The following UNC13C variants were observed in gnomAD, a reference collection of about 807,000 sequenced individuals.
The protein encoded by UNC13C is unc-13 homolog C.
UNC13C carries 174 observed loss-of-function variants against 245.4 expected under a neutral mutation model. That is an observed-to-expected ratio of 0.71 (90% confidence interval 0.63 to 0.80). The LOEUF (loss-of-function observed/expected upper bound fraction) is 0.80. UNC13C is among the 30% of genes least tolerant of loss of function. UNC13C has a pLI of 0.00. For synonymous variants in UNC13C, 992 were observed against 895.1 expected (o/e 1.11, Z -1.93); for missense variants, 2,829 against 2,602.9 (o/e 1.09, Z -1.89).
intron 26 of UNC13C, among the ~76,000 whole-genome samples, chr15:54,538,693 C>A (rs568595512): frequency 1.3e-5 from 2 of 151,930 alleles, no homozygotes; most frequent in Non-Finnish European, 2.9e-5. Flanking sequence ...ATGACCTCTG[C>A]GGCAACATGG....
chr15:54,430,195 A>G (rs910971916), intron 19 of UNC13C, among the ~76,000 whole-genome samples: 2 of 151,694 alleles, frequency 1.3e-5, no homozygotes, highest in Non-Finnish European at 3.0e-5. Flanking sequence ...AAAGCTATTC[A>G]TTCTATTTTT....
intron 19 of UNC13C, among the ~76,000 whole-genome samples, chr15:54,483,440 G>A (rs950495389): frequency 6.6e-6 from 1 of 152,088 alleles, no homozygotes; most frequent in Non-Finnish European, 1.5e-5. Flanking sequence ...TGATTATTTA[G>A]AACAATTTTT....
At chr15:54,122,349 T>C (rs1325438086) in intron 2 of UNC13C, among the ~76,000 whole-genome samples, 2 of 152,078 alleles carry the variant, frequency 1.3e-5, no homozygotes, top group African/African-American at 4.8e-5. Context: ...AGTTAGTTTT[T>C]GGTAGTTGTG....
chr15:54,050,135 A>AT (rs906201142), intron 2 of UNC13C: 16 of 353,826 alleles, frequency 4.5e-5, no homozygotes, highest in African/African-American at 1.3e-4. Flanking sequence ...ACGCCCGGCT[A>AT]TTTTTTTGTA....
At chr15:54,605,048 C>G (rs956325490) in intron 30 of UNC13C, among the ~76,000 whole-genome samples, 4 of 152,168 alleles carry the variant, frequency 2.6e-5, no homozygotes, top group African/African-American at 9.7e-5. Flanking sequence ...CAGGGGAACT[C>G]ACTGGGAGTT....
At chr15:54,166,751 C>T (rs1010521821) in intron 4 of UNC13C, among the ~76,000 whole-genome samples, 2 of 152,106 alleles carry the variant, frequency 1.3e-5, no homozygotes, top group African/African-American at 4.8e-5. Flanking sequence ...TGTATCACAA[C>T]ACATAACATA....
chr15:53,858,927 T>C, the UNC13C span, among the ~76,000 whole-genome samples: 1 of 151,312 alleles, frequency 6.6e-6, no homozygotes, highest in African/African-American at 2.4e-5. Context: ...TTTTATGCCA[T>C]AGATATATTT....
At chr15:54,479,478 A>T (rs964073858) in intron 19 of UNC13C, among the ~76,000 whole-genome samples, 1 of 151,938 alleles carries the variant, frequency 6.6e-6, no homozygotes, top group African/African-American at 2.4e-5. Flanking sequence ...AGGTGGAGTA[A>T]ATTTCTTTTA....
rs922340781 is a variant in UNC13C, at chr15:54,534,772, A to G, written c.5696+1706A>G. Among the ~76,000 whole-genome samples, 5 of 152,194 alleles carry G rather than the reference A, an allele frequency of 3.3e-5. 1 individual carries two copies. Among genetic ancestry groups the G allele is most frequent in the South Asian group, 4.1e-4 (2 of 4,834 alleles). On this transcript the variant is annotated intron_variant, in intron 26 of 32. Transcript: ENST00000260323. The stretch of plus-strand genomic sequence containing the variant: ...ATGGAGCTGCAAAACTCACTATAAG[A>G]ATTTCCTAATATAATCAGCAGTCTT...
chr15:53,848,812 A>G, the UNC13C span, among the ~76,000 whole-genome samples: 1 of 152,078 alleles, frequency 6.6e-6, no homozygotes, highest in Non-Finnish European at 1.5e-5. Context: ...GTGTTTTGAA[A>G]TTACGTTACT....
the UNC13C span, among the ~76,000 whole-genome samples, chr15:53,928,225 C>T: frequency 6.6e-6 from 1 of 152,138 alleles, no homozygotes; most frequent in Admixed American, 6.5e-5. Flanking sequence ...AACAGCAAAC[C>T]AGTCATTAGC....
chr15:54,031,727 A>G (rs914379255), intron 2 of UNC13C, among the ~76,000 whole-genome samples: 1 of 152,218 alleles, frequency 6.6e-6, no homozygotes, highest in African/African-American at 2.4e-5. Context: ...AATGGCTTTC[A>G]TTGATGCCTT....
intron 4 of UNC13C, among the ~76,000 whole-genome samples, chr15:54,186,845 G>GATATATATATATATATATATATATATATA (rs2034004799): frequency 8.8e-6 from 1 of 113,384 alleles, no homozygotes; most frequent in Non-Finnish European, 1.7e-5. Context: ...TAATATATAT[G>GATATATATATATATATATATATATATATA]TATATATATA....
At chr15:54,299,475 A>C (rs927174692) in intron 12 of UNC13C, among the ~76,000 whole-genome samples, 2 of 152,090 alleles carry the variant, frequency 1.3e-5, no homozygotes, top group Non-Finnish European at 2.9e-5. Flanking sequence ...GGGCACTATA[A>C]TTTACTCAGA....
intron 13 of UNC13C, among the ~76,000 whole-genome samples, chr15:54,303,466 C>A (rs1424443196): frequency 6.6e-6 from 1 of 152,046 alleles, no homozygotes; most frequent in African/African-American, 2.4e-5. Context: ...TCATTTCCAT[C>A]TTTTCTGTGT....
At chr15:54,476,724 G>T (rs953542605) in intron 19 of UNC13C, among the ~76,000 whole-genome samples, 1 of 150,154 alleles carries the variant, frequency 6.7e-6, no homozygotes, top group African/African-American at 2.5e-5. Context: ...TTGTAGTATA[G>T]TTTGAAGTCA....
chr15:54,321,814 T>C (rs2038167684), intron 13 of UNC13C, 125 bp from the exon 14 acceptor site: 5 of 969,830 alleles, frequency 5.2e-6, no homozygotes, highest in African/African-American at 1.7e-5. Flanking sequence ...CAATTAGAGA[T>C]TGTGCAGTTT....
chr15:54,393,316 C>G, intron 18 of UNC13C, 135 bp downstream of exon 18: 2 of 781,626 alleles, frequency 2.6e-6, no homozygotes, highest in Non-Finnish European at 3.6e-6. Context: ...TATTTTTCAA[C>G]TTTTATCAGT....
intron 13 of UNC13C, among the ~76,000 whole-genome samples, chr15:54,310,746 C>CTATATCTATATG (rs775915753): frequency 1.6e-5 from 1 of 61,166 alleles, no homozygotes; most frequent in African/African-American, 6.9e-5. Context: ...TTTTATATAT[C>CTATATCTATATG]TATATCTATA....
Sources: gnomAD v4.1 joint callset for allele counts (sites outside exome capture counted in the v4.1 genomes callset) on GRCh38, gnomAD v4.1.1 for gene constraint, MANE v1.5 for transcripts, NCBI Gene and HGNC (gene_info 2026-07-23, HGNC 2026-07-21) for gene names.